GCNT2: variants seen among roughly 807,000 people sequenced by gnomAD.
The protein encoded by GCNT2 is glucosaminyl (N-acetyl) transferase 2 (I blood group), also known as N-acetyllactosaminide beta-1,6-N-acetylglucosaminyl-transferase.
A neutral mutation model predicts 34.2 loss-of-function variants in GCNT2; 34 were observed. That is an observed-to-expected ratio of 1.00 (90% CI 0.76 to 1.32). The LOEUF (loss-of-function observed/expected upper bound fraction) is 1.32, where lower values mean the gene tolerates loss of function less well. Ranked by LOEUF, GCNT2 falls within the 40% of genes most tolerant of loss-of-function variation. The pLI is 0.00. For missense variants in GCNT2, 584 were observed against 489.4 expected, an observed-to-expected ratio of 1.19 and a Z score of -1.82; for synonymous variants, 212 against 188.0, an observed-to-expected ratio of 1.13 and a Z score of -1.04.
intron 3 of GCNT2, among the ~76,000 whole-genome samples, chr6:10,579,298 CTA>C (rs1235709448): frequency 2.0e-5 from 3 of 152,132 alleles, no homozygotes; most frequent in African/African-American, 7.2e-5. Flanking sequence ...AAAAAACCCA[CTA>C]TATTAAATAA....
chr6:10,626,365 C>G, intron 4 of GCNT2, 52 bp from the exon 5 acceptor site: 3 of 1,313,516 alleles, frequency 2.3e-6, no homozygotes, highest in Non-Finnish European at 3.3e-6. Context: ...AGTTCATCAC[C>G]CTTTTGAAAG....
intron 3 of GCNT2, among the ~76,000 whole-genome samples, chr6:10,577,454 G>C (rs1763870038): frequency 6.6e-6 from 1 of 152,230 alleles, no homozygotes; most frequent in African/African-American, 2.4e-5. Context: ...AGTCTGCCCA[G>C]AGCCCCAGGA....
At chr6:10,620,029 G>C (rs1216403043) in intron 3 of GCNT2, among the ~76,000 whole-genome samples, 2 of 152,176 alleles carry the variant, frequency 1.3e-5, no homozygotes, top group Non-Finnish European at 2.9e-5. Flanking sequence ...GGCTCACCCA[G>C]ATAATTCAGG....
rs139801359 is a variant in GCNT2, at chr6:10,588,559, G to A, written c.926-32792G>A. On this transcript the variant is annotated intron_variant, in intron 3 of 4. Coordinates refer to ENST00000495262, the MANE Select transcript of GCNT2 (RefSeq NM_145649.5). ...GTTTCTCTTGCACTAGGAAAAGAAG[G>A]AATGAGCATTTCTTTTTTCCTGTAT... 7.5e-3 allele frequency among the ~76,000 whole-genome samples: 1,147 copies of A among 152,288 alleles called. 6 individuals are homozygous for A. Among genetic ancestry groups the A allele is most frequent in the Non-Finnish European group, 0.013 (908 of 68,026 alleles).
At chr6:10,547,945 G>A (rs1762337317) in intron 3 of GCNT2, among the ~76,000 whole-genome samples, 1 of 152,168 alleles carries the variant, frequency 6.6e-6, no homozygotes, top group African/African-American at 2.4e-5. Flanking sequence ...GTGAAAGCCT[G>A]TTCAAGCTGG....
intron 3 of GCNT2, among the ~76,000 whole-genome samples, chr6:10,588,873 GGTAT>G (rs1232449690): frequency 8.3e-6 from 1 of 120,252 alleles, no homozygotes; most frequent in Non-Finnish European, 1.8e-5. Context: ...ATGTGTGTGG[GGTAT>G]GTGTGTTTGT....
intron 3 of GCNT2, among the ~76,000 whole-genome samples, chr6:10,578,491 G>A (rs541277110): frequency 7.6e-6 from 1 of 130,980 alleles, no homozygotes; most frequent in South Asian, 2.4e-4. Flanking sequence ...CTGTCGCCCA[G>A]GCTGGAGTGT....
chr6:10,521,895 A>G (rs1760931997), intron 1 of GCNT2, among the ~76,000 whole-genome samples: 1 of 150,212 alleles, frequency 6.7e-6, no homozygotes, highest in Admixed American at 6.6e-5. Context: ...ACTGTCTGGC[A>G]TTTAAATTTT....
chr6:10,536,786 C>T (rs1761781278), intron 3 of GCNT2, among the ~76,000 whole-genome samples: 1 of 150,374 alleles, frequency 6.7e-6, no homozygotes, highest in Non-Finnish European at 1.5e-5. Context: ...TCACTGCAAC[C>T]TCCGTTTCCT....
At chr6:10,569,861 C>CTT (rs1356959945) in intron 3 of GCNT2, among the ~76,000 whole-genome samples, 1 of 114,854 alleles carries the variant, frequency 8.7e-6, no homozygotes, top group South Asian at 2.4e-4. Flanking sequence ...CTTTCTTTCT[C>CTT]TTTCTTTCTT....
chr6:10,588,774 G>T (rs1024758280), intron 3 of GCNT2, among the ~76,000 whole-genome samples: 5 of 126,326 alleles, frequency 4.0e-5, no homozygotes, highest in African/African-American at 1.4e-4. Flanking sequence ...TGTGTTTGTA[G>T]TGTGTGTGTG....
chr6:10,622,511 C>T (rs1051914362), intron 4 of GCNT2, among the ~76,000 whole-genome samples: 11 of 151,960 alleles, frequency 7.2e-5, no homozygotes, highest in Admixed American at 6.6e-5. Flanking sequence ...CCCTAAAGGT[C>T]TCATTTTAAT....
intron 3 of GCNT2, chr6:10,581,779 CTTT>C (rs1439768159): frequency 2.0e-6 from 2 of 985,098 alleles, no homozygotes; most frequent in Non-Finnish European, 2.4e-6. Flanking sequence ...CTTTGCCTCT[CTTT>C]TCTCACTCCA....
At chr6:10,556,775 C>T in intron 3 of GCNT2, 1 of 1,613,994 alleles carries the variant, frequency 6.2e-7, no homozygotes, top group Admixed American at 1.7e-5. Context: ...TATTTACATG[C>T]CCCAAAATAT....
chr6:10,529,653 A>G lies in GCNT2; in HGVS notation c.742A>G (p.Thr248Ala), dbSNP rs143988975. ...NHKNSYVIKT[T>A]KLKTPPPHDM... ...CAAAAATTCCTACGTGATTAAAACA[A>G]CAAAATTAAAAACTCCTCCTCCTCA... The change falls in exon 3 of 5, where the codon ACA becomes GCA. Residue 248 changes from threonine (T) to alanine (A), a missense_variant. Coordinates refer to ENST00000495262, the MANE Select transcript of GCNT2 (RefSeq NM_145649.5). 39 of 1,614,022 alleles carry G rather than the reference A, an allele frequency of 2.4e-5. No individual in the cohort carries two copies. The highest frequency in any genetic ancestry group is 6.7e-5 in the Admixed American group (4 of 59,998).
chr6:10,539,485 G>C (rs185526130), intron 3 of GCNT2, among the ~76,000 whole-genome samples: 1 of 152,004 alleles, frequency 6.6e-6, no homozygotes, highest in Non-Finnish European at 1.5e-5. Flanking sequence ...CACTGCGCCC[G>C]GCCCCGCCAT....
Position 10,529,188 on chromosome 6 carries a change from G to T in GCNT2, c.277G>T (p.Ala93Ser). Residue 93 changes from alanine to serine, a missense_variant, in exon 3 of 5, where the codon GCT becomes TCT. Coordinates refer to ENST00000495262, the MANE Select transcript of GCNT2 (RefSeq NM_145649.5). The stretch of plus-strand genomic sequence containing the variant: ...AACAGAAACACTCTCTGAAGAAGAG[G>T]CTGGGTTCCCTTTAGCTTACACAGT... ...YVTETLSEEE[A>S]GFPLAYTVTI... The T allele has an allele frequency of 6.2e-7, 1 of 1,614,156 alleles. No individual in the cohort carries two copies. The highest frequency in any genetic ancestry group is 8.5e-7 in the Non-Finnish European group (1 of 1,180,024).
intron 3 of GCNT2, among the ~76,000 whole-genome samples, chr6:10,542,893 C>CTTT (rs869251646): frequency 0.012 from 1,015 of 82,168 alleles, 26 homozygotes; most frequent in African/African-American, 0.047. Flanking sequence ...TATGTTAATT[C>CTTT]TTTTTTTTTT....
intron 3 of GCNT2, among the ~76,000 whole-genome samples, chr6:10,612,807 C>T (rs1045017237): frequency 1.2e-4 from 19 of 152,118 alleles, no homozygotes; most frequent in African/African-American, 4.3e-4. Context: ...TGTCAGTTAT[C>T]GTGTGTAATG....
Sources: gnomAD v4.1 joint callset for allele counts (sites outside exome capture counted in the v4.1 genomes callset) on GRCh38, gnomAD v4.1.1 for gene constraint, MANE v1.5 for transcripts, NCBI Gene and HGNC (gene_info 2026-07-23, HGNC 2026-07-21) for gene names.